Variants in EYS observed in about 807,000 individuals in gnomAD.
EYS encodes the protein EGF-like photoreceptor maintenance factor, also known as protein eyes shut homolog.
A neutral mutation model predicts 282.1 loss-of-function variants in EYS; 250 were observed. The ratio of observed to expected loss-of-function variants is 0.89; its 90% CI spans 0.80 to 0.98. The LOEUF is 0.98. Among genes scored for constraint, EYS ranks in the 50% least tolerant of loss-of-function variants. The pLI is 0.00. For synonymous variants in EYS, 1,355 were observed against 1,282.9 expected (o/e 1.06, Z -1.20); for missense variants, 4,016 against 3,709.0 (o/e 1.08, Z -2.15).
rs1263273691 is a variant in EYS, at chr6:64,227,069, T to C, written c.6424+3523A>G. Among the ~76,000 whole-genome samples the C allele has an allele frequency of 3.9e-5, 6 of 152,234 alleles. No homozygotes were observed. The South Asian group carries it at 6.2e-4, about 16-fold the overall frequency. On this transcript the variant is annotated intron_variant, in intron 31 of 42. Coordinates refer to ENST00000503581, the MANE Select transcript of EYS (RefSeq NM_001142800.2). ...TCCAACATATCTTTATATCTAGATG[T>C]CTACGCAATTATATATTTTTTCAGT...
intron 18 of EYS, among the ~76,000 whole-genome samples, chr6:64,887,243 A>G (rs1485104399): frequency 7.3e-6 from 1 of 136,878 alleles, no homozygotes; most frequent in Non-Finnish European, 1.5e-5. Flanking sequence ...GAACACATGG[A>G]CACAGGAAGG....
At chr6:65,528,428 G>A (rs372774356) in intron 2 of EYS, among the ~76,000 whole-genome samples, 13 of 152,288 alleles carry the variant, frequency 8.5e-5, no homozygotes, top group East Asian at 1.9e-4. Flanking sequence ...TGTCTGTTGC[G>A]TTGAAATTTA....
At chr6:64,383,846 C>A (rs975555333) in intron 29 of EYS, among the ~76,000 whole-genome samples, 3 of 151,898 alleles carry the variant, frequency 2.0e-5, no homozygotes. Flanking sequence ...TATTTTGTGT[C>A]CATTAGACAA....
In EYS at chr6:63,939,183, A is replaced by C. The variant is rs537739022; in HGVS notation, c.7055+45200T>G. On this transcript the variant is annotated intron_variant, in intron 35 of 42. Transcript: ENST00000503581. ...TATTTTTGACTCAGCTCAGAAATGA[A>C]ATATTTCAAAAGCCTTTTCAAGCTC... is the stretch of plus-strand genomic sequence containing the variant. Among the ~76,000 whole-genome samples, 230 of 152,108 alleles carry C rather than the reference A, an allele frequency of 1.5e-3. 1 individual carries two copies. Among genetic ancestry groups the C allele is most frequent in the Admixed American group, 3.6e-3 (55 of 15,284 alleles).
At chr6:63,920,684 A>G (rs1328987817) in intron 35 of EYS, among the ~76,000 whole-genome samples, 1 of 152,180 alleles carries the variant, frequency 6.6e-6, no homozygotes, top group Non-Finnish European at 1.5e-5. Flanking sequence ...TAAGGGGAGT[A>G]CTTTCCAAAA....
intron 15 of EYS, among the ~76,000 whole-genome samples, chr6:64,942,393 A>T: frequency 7.0e-6 from 1 of 143,170 alleles, no homozygotes; most frequent in East Asian, 2.0e-4. Context: ...CAAAATTAAG[A>T]CCCCAAAATC....
intron 41 of EYS, among the ~76,000 whole-genome samples, chr6:63,751,776 A>G (rs1427350861): frequency 6.6e-6 from 1 of 152,214 alleles, no homozygotes; most frequent in Non-Finnish European, 1.5e-5. Context: ...AGTATCAATT[A>G]TAGAAAAAAT....
In EYS at chr6:65,647,876, G is replaced by A. The variant is rs1294235791; in HGVS notation, c.-447-7984C>T. On this transcript the variant is annotated intron_variant, in intron 1 of 42. Transcript: ENST00000503581. ...TTAGCAAAATGTGGGCTAAGGACATGAAAAGACAATCCTCAAAAAAAGATA... is the reference window on the plus strand; with the variant it reads ...TTAGCAAAATGTGGGCTAAGGACATAAAAAGACAATCCTCAAAAAAAGATA... 2.0e-5 allele frequency among the ~76,000 whole-genome samples: 3 copies of A among 152,052 alleles called. No homozygotes were observed. In the East Asian group the frequency reaches 5.8e-4, roughly 29 times the overall value.
intron 28 of EYS, among the ~76,000 whole-genome samples, chr6:64,392,715 T>G (rs9353756): frequency 0.25 from 32,470 of 130,438 alleles, 4,268 homozygotes; most frequent in East Asian, 0.38. Flanking sequence ...ACAATTAAAA[T>G]AACTAGAAAA....
At chr6:64,251,518 G>A (rs1364406449) in intron 30 of EYS, among the ~76,000 whole-genome samples, 1 of 152,160 alleles carries the variant, frequency 6.6e-6, no homozygotes, top group Non-Finnish European at 1.5e-5. Flanking sequence ...CTGAGGCACA[G>A]TACAAGGGAG....
intron 15 of EYS, among the ~76,000 whole-genome samples, chr6:64,914,850 T>C (rs1768111842): frequency 2.0e-5 from 3 of 152,248 alleles, no homozygotes; most frequent in East Asian, 1.9e-4. Flanking sequence ...ATTGCTATCA[T>C]GATAATTGCA....
intron 29 of EYS, among the ~76,000 whole-genome samples, chr6:64,350,706 T>C (rs1771596609): frequency 6.6e-6 from 1 of 151,602 alleles, no homozygotes; most frequent in African/African-American, 2.4e-5. Flanking sequence ...CATCCTCAAA[T>C]GCCACATTTG....
intron 28 of EYS, among the ~76,000 whole-genome samples, chr6:64,401,737 G>A (rs1440452651): frequency 6.6e-6 from 1 of 152,008 alleles, no homozygotes; most frequent in Non-Finnish European, 1.5e-5. Flanking sequence ...GGATATTTCT[G>A]TTAGGGAGAC....
At chr6:64,774,540 C>T (rs1213773687) in intron 22 of EYS, among the ~76,000 whole-genome samples, 1 of 151,306 alleles carries the variant, frequency 6.6e-6, no homozygotes, top group Non-Finnish European at 1.5e-5. Flanking sequence ...CTCAATTCAG[C>T]AATGGGTCCT....
At chr6:65,343,137 G>A (rs1468836651) in intron 10 of EYS, among the ~76,000 whole-genome samples, 2 of 151,102 alleles carry the variant, frequency 1.3e-5, no homozygotes, top group African/African-American at 2.4e-5. Context: ...ACTTTTAGAT[G>A]TTCTGTGGTA....
chr6:65,078,938 A>G (rs548390022), intron 12 of EYS, among the ~76,000 whole-genome samples: 2 of 151,716 alleles, frequency 1.3e-5, no homozygotes, highest in East Asian at 4.0e-4. Context: ...GCCATGTGAC[A>G]TGCAAGCTCC....
chr6:63,794,688 T>C (rs920602979), intron 37 of EYS, among the ~76,000 whole-genome samples: 19 of 152,208 alleles, frequency 1.2e-4, no homozygotes, highest in African/African-American at 4.3e-4. Flanking sequence ...TTGGGAAATA[T>C]ATGAGCAATT....
chr6:64,136,199 T>C (rs1251384810), intron 31 of EYS, among the ~76,000 whole-genome samples: 1 of 151,718 alleles, frequency 6.6e-6, no homozygotes, highest in Non-Finnish European at 1.5e-5. Flanking sequence ...TTCGTATCCA[T>C]TAAAGTATCA....
At chr6:64,794,351 A>G (rs1052823371) in intron 22 of EYS, among the ~76,000 whole-genome samples, 5 of 152,132 alleles carry the variant, frequency 3.3e-5, no homozygotes, top group Admixed American at 1.3e-4. Context: ...GTAATTCCCA[A>G]CGTTGGTGAG....
Sources: gnomAD v4.1 joint callset for allele counts (sites outside exome capture counted in the v4.1 genomes callset) on GRCh38, gnomAD v4.1.1 for gene constraint, MANE v1.5 for transcripts, NCBI Gene and HGNC (gene_info 2026-07-23, HGNC 2026-07-21) for gene names.